The following ATRNL1 variants were observed in gnomAD, a reference collection of about 807,000 sequenced individuals.
The protein encoded by ATRNL1 is attractin like 1.
In ATRNL1, 95 loss-of-function variants were observed where a neutral mutation model predicts 182.7. That is an observed-to-expected ratio of 0.52 (90% confidence interval 0.44 to 0.62). The LOEUF is 0.62. Ranked by LOEUF, ATRNL1 falls within the 20% of genes least tolerant of loss-of-function variation. The pLI, the probability that ATRNL1 is intolerant of heterozygous loss-of-function variation, is 0.00. For missense variants in ATRNL1, 1,471 were observed against 1,679.5 expected (o/e 0.88, Z 2.17); for synonymous variants, 576 against 568.3 (o/e 1.01, Z -0.19).
At chr10:115,617,366 T>G (rs1334329871) in intron 26 of ATRNL1, among the ~76,000 whole-genome samples, 1 of 109,474 alleles carries the variant, frequency 9.1e-6, no homozygotes, top group Non-Finnish European at 2.0e-5. Context: ...TTTTTTTGTT[T>G]TTTGTTTTTT....
At chr10:115,912,018 G>A (rs1474085701) in intron 28 of ATRNL1, among the ~76,000 whole-genome samples, 1 of 152,166 alleles carries the variant, frequency 6.6e-6, no homozygotes, top group African/African-American at 2.4e-5. Flanking sequence ...ACTATTCAAT[G>A]ATTGAATCTC....
intron 25 of ATRNL1, among the ~76,000 whole-genome samples, chr10:115,545,234 C>CAAAAAA (rs71010026): frequency 6.1e-4 from 58 of 94,796 alleles, no homozygotes; most frequent in African/African-American, 7.0e-4. Context: ...GACTCCGTAT[C>CAAAAAA]AAAAAAAAAA....
chr10:115,240,549 GC>G (rs1850375420), intron 9 of ATRNL1, among the ~76,000 whole-genome samples: 1 of 151,930 alleles, frequency 6.6e-6, no homozygotes, highest in Non-Finnish European at 1.5e-5. Flanking sequence ...ACAACACCAC[GC>G]CTGGCTGAGC....
At chr10:115,529,951 A>G (rs1851467620) in intron 25 of ATRNL1, among the ~76,000 whole-genome samples, 4 of 152,048 alleles carry the variant, frequency 2.6e-5, no homozygotes, top group African/African-American at 7.2e-5. Context: ...AGATTTGCCT[A>G]TTCTGGACAT....
chr10:115,760,026 A>C (rs1948696292), intron 27 of ATRNL1, among the ~76,000 whole-genome samples: 1 of 151,672 alleles, frequency 6.6e-6, no homozygotes, highest in African/African-American at 2.4e-5. Context: ...TGAACACTTT[A>C]CATTGATCTG....
chr10:115,585,737 G>T (rs11197314), intron 26 of ATRNL1, among the ~76,000 whole-genome samples: 1 of 29,288 alleles, frequency 3.4e-5, no homozygotes, highest in Non-Finnish European at 8.3e-5. Flanking sequence ...TTAATTGGAG[G>T]ATTTAGTCCA....
intron 26 of ATRNL1, among the ~76,000 whole-genome samples, chr10:115,684,641 C>T (rs1310634073): frequency 1.3e-5 from 2 of 151,494 alleles, no homozygotes; most frequent in Non-Finnish European, 3.0e-5. Context: ...AAAAATTCCA[C>T]TATGTAATAT....
At chr10:115,656,554 G>A (rs111672155) in intron 26 of ATRNL1, among the ~76,000 whole-genome samples, 7 of 152,224 alleles carry the variant, frequency 4.6e-5, no homozygotes, top group South Asian at 4.2e-4. Context: ...GGGTACCTGC[G>A]TTGCTGCCCC....
At chr10:115,634,746 T>C (rs1405083385) in intron 26 of ATRNL1, among the ~76,000 whole-genome samples, 1 of 152,160 alleles carries the variant, frequency 6.6e-6, no homozygotes. Flanking sequence ...AGTTTAAAAA[T>C]AGATGCATTT....
intron 19 of ATRNL1, among the ~76,000 whole-genome samples, chr10:115,379,127 A>T (rs1857843064): frequency 6.6e-6 from 1 of 152,076 alleles, no homozygotes. Context: ...CTGCAACTTT[A>T]TATTCTAGGG....
At chr10:115,232,846 A>G (rs72836581) in intron 9 of ATRNL1, among the ~76,000 whole-genome samples, 9,967 of 152,166 alleles carry the variant, frequency 0.066, 390 homozygotes, top group Non-Finnish European at 0.095. Context: ...ATGCTTTTCT[A>G]GGTGAAATCT....
rs1853756083 is a variant in ATRNL1 at position 115,306,802 on chromosome 10, A to G, written c.2818+4759A>G. 2.0e-5 allele frequency among the ~76,000 whole-genome samples: 3 copies of G among 152,068 alleles called. No individual in the cohort carries two copies. The South Asian group carries it at 6.2e-4, about 31-fold the overall frequency. On this transcript the variant is annotated intron_variant, in intron 17 of 28. Coordinates refer to ENST00000355044, the MANE Select transcript of ATRNL1 (RefSeq NM_207303.4). ...TTTTTATAATCCTTTGAGACTTTTTATTTATTTGAAATAAGTTTTTTGAGA... is the reference window on the plus strand; with the variant it reads ...TTTTTATAATCCTTTGAGACTTTTTGTTTATTTGAAATAAGTTTTTTGAGA...
chr10:115,817,461 C>T (rs1950190892), intron 27 of ATRNL1, among the ~76,000 whole-genome samples: 1 of 152,000 alleles, frequency 6.6e-6, no homozygotes. Flanking sequence ...CACTAGGGCT[C>T]AGGCAAAAAT....
At chr10:115,944,584 G>A in intron 28 of ATRNL1, 74 bp from the exon 29 acceptor site, 1 of 1,273,098 alleles carries the variant, frequency 7.9e-7, no homozygotes, top group Non-Finnish European at 1.1e-6. Context: ...TAAAAAGCAG[G>A]GCCCTTCACC....
chr10:115,695,589 T>G (rs782714835), intron 26 of ATRNL1, among the ~76,000 whole-genome samples: 34 of 152,274 alleles, frequency 2.2e-4, no homozygotes, highest in Non-Finnish European at 3.8e-4. Context: ...TTCATGATGT[T>G]GATAACCTTA....
chr10:115,182,353 A>G (rs1178178469), intron 8 of ATRNL1, among the ~76,000 whole-genome samples: 2 of 151,548 alleles, frequency 1.3e-5, no homozygotes, highest in Admixed American at 1.3e-4. Flanking sequence ...AAAGATACAT[A>G]CACAAAGGAA....
intron 17 of ATRNL1, among the ~76,000 whole-genome samples, chr10:115,314,575 T>C (rs2134012067): frequency 6.6e-6 from 1 of 152,148 alleles, no homozygotes; most frequent in East Asian, 1.9e-4. Context: ...TTATAAACAA[T>C]CCCCAAGACA....
rs577709540 is a variant in ATRNL1 at position 115,703,680 on chromosome 10, A to G, written c.3796-23568A>G. On this transcript the variant is annotated intron_variant, in intron 26 of 28. Coordinates refer to ENST00000355044, the MANE Select transcript of ATRNL1 (RefSeq NM_207303.4). ...ACTTAATATACAAACATATATGTAG[A>G]TAATATATAAACATATAATCTTTTG... Among the ~76,000 whole-genome samples the G allele has an allele frequency of 3.3e-5, 5 of 151,936 alleles. No homozygotes were observed. The East Asian group carries it at 9.6e-4, about 29-fold the overall frequency.
At chr10:115,326,922 C>G (rs1854923220) in intron 18 of ATRNL1, among the ~76,000 whole-genome samples, 2 of 152,104 alleles carry the variant, frequency 1.3e-5, no homozygotes, top group South Asian at 4.1e-4. Flanking sequence ...ACACCTTATA[C>G]AAAAATCAAT....
Sources: gnomAD v4.1 joint callset for allele counts (sites outside exome capture counted in the v4.1 genomes callset) on GRCh38, gnomAD v4.1.1 for gene constraint, MANE v1.5 for transcripts, NCBI Gene and HGNC (gene_info 2026-07-23, HGNC 2026-07-21) for gene names.